PACRG: variants seen among roughly 807,000 people sequenced by gnomAD.
PACRG encodes the protein parkin coregulated.
Under a neutral mutation model 29.7 loss-of-function variants are expected in PACRG, and 29 were observed. That is an observed-to-expected ratio of 0.98 (90% CI 0.73 to 1.33). PACRG has a LOEUF of 1.33. Ranked by LOEUF, PACRG falls within the 40% of genes most tolerant of loss-of-function variation. The probability of loss-of-function intolerance (pLI) is 0.00; values close to 1 mark genes in which losing one functional copy is unlikely to be tolerated. For missense variants in PACRG, 279 were observed against 316.2 expected, an observed-to-expected ratio of 0.88 and a Z score of 0.89; for synonymous variants, 116 against 118.7, an observed-to-expected ratio of 0.98 and a Z score of 0.15.
chr6:162,978,362 T>TA (rs777184496), intron 2 of PACRG, among the ~76,000 whole-genome samples: 2 of 152,120 alleles, frequency 1.3e-5, no homozygotes, highest in Non-Finnish European at 2.9e-5. Context: ...ATGTGTAGGG[T>TA]AACATGTACT....
chr6:162,915,733 T>C (rs1796655465), intron 2 of PACRG, among the ~76,000 whole-genome samples: 1 of 152,132 alleles, frequency 6.6e-6, no homozygotes, highest in Non-Finnish European at 1.5e-5. Flanking sequence ...TTACAATATA[T>C]ATACCTAACC....
At chr6:162,842,560 T>A (rs1204185617) in intron 2 of PACRG, among the ~76,000 whole-genome samples, 24 of 149,280 alleles carry the variant, frequency 1.6e-4, no homozygotes, top group Non-Finnish European at 3.4e-4. Flanking sequence ...AATTTGCCAG[T>A]CTGTGTCTTT....
chr6:162,885,234 C>T (rs984541139), intron 2 of PACRG, among the ~76,000 whole-genome samples: 1 of 91,036 alleles, frequency 1.1e-5, no homozygotes, highest in African/African-American at 4.2e-5. Context: ...TTTTGAGTAA[C>T]CTTTTTTTTT....
chr6:162,747,493 T>TATATATATATATA (rs71008109), intron 1 of PACRG, among the ~76,000 whole-genome samples: 15 of 127,552 alleles, frequency 1.2e-4, no homozygotes, highest in African/African-American at 2.1e-4. Flanking sequence ...TATATATATA[T>TATATATATATATA]TCCATTAGTT....
At chr6:163,074,656 A>G (rs930687475) in intron 3 of PACRG, among the ~76,000 whole-genome samples, 1 of 152,180 alleles carries the variant, frequency 6.6e-6, no homozygotes, top group Admixed American at 6.5e-5. Flanking sequence ...GTAACAAAAT[A>G]CATATTGTAA....
In PACRG at chr6:162,990,288, G is replaced by C. The variant is rs534999816; in HGVS notation, c.292-71862G>C. On this transcript the variant is annotated intron_variant, in intron 2 of 4. Coordinates refer to ENST00000366888, the MANE Select transcript of PACRG (RefSeq NM_001080379.2). The stretch of plus-strand genomic sequence containing the variant: ...ATGGCTGGGTCAAATGGTATTTCTA[G>C]TTCTAGATCCCTGAGAATCGCCACA... Among the ~76,000 whole-genome samples, 203 of 151,870 alleles carry C rather than the reference G, an allele frequency of 1.3e-3. 1 individual carries two copies. Among genetic ancestry groups the C allele is most frequent in the African/African-American group, 4.6e-3 (192 of 41,458 alleles).
At chr6:163,094,525 C>T (rs548293866) in intron 4 of PACRG, among the ~76,000 whole-genome samples, 1 of 152,248 alleles carries the variant, frequency 6.6e-6, no homozygotes, top group African/African-American at 2.4e-5. Flanking sequence ...TTGGAAGATC[C>T]GTGTAGGGGT....
intron 4 of PACRG, among the ~76,000 whole-genome samples, chr6:163,184,347 A>G (rs1779813859): frequency 6.6e-6 from 1 of 152,214 alleles, no homozygotes; most frequent in Non-Finnish European, 1.5e-5. Context: ...TTAATGCTAC[A>G]TTAAAGACAG....
At chr6:163,061,199 T>G (rs547634566) in intron 2 of PACRG, among the ~76,000 whole-genome samples, 1 of 152,230 alleles carries the variant, frequency 6.6e-6, no homozygotes, top group South Asian at 2.1e-4. Flanking sequence ...TCTGTGTAGA[T>G]GTATTATACC....
intron 2 of PACRG, among the ~76,000 whole-genome samples, chr6:162,829,094 C>A (rs1443170982): frequency 2.0e-5 from 3 of 152,152 alleles, no homozygotes; most frequent in South Asian, 4.1e-4. Flanking sequence ...CCAAGCAAAT[C>A]CATTTTTTGT....
chr6:163,222,490 G>A (rs1781629891), intron 4 of PACRG, among the ~76,000 whole-genome samples: 1 of 152,228 alleles, frequency 6.6e-6, no homozygotes, highest in Admixed American at 6.5e-5. Flanking sequence ...TGAGGCAGGA[G>A]AATCGCTTGA....
intron 4 of PACRG, among the ~76,000 whole-genome samples, chr6:163,171,878 TTTCCC>T (rs1257521254): frequency 6.6e-6 from 1 of 152,156 alleles, no homozygotes; most frequent in Non-Finnish European, 1.5e-5. Context: ...AAAAGTCAGC[TTTCCC>T]CTGTGAGAGC....
chr6:163,062,204 C>G lies in PACRG; in HGVS notation c.346C>G (p.Leu116Val), dbSNP rs1292402584. Residue 116 changes from leucine to valine, a missense_variant, in exon 3 of 5, where the codon CTT becomes GTT. Leu to Val is a conservative substitution (Grantham distance 32). Coordinates refer to ENST00000366888, the MANE Select transcript of PACRG (RefSeq NM_001080379.2). ...HHYLPLFFDGLCEMTFPYEFF... is the reference protein window; with the variant it reads ...HHYLPLFFDGVCEMTFPYEFF... ...TTATCTGCCTCTGTTTTTTGATGGGCTTTGTGAAATGACATTTCCCTATGA... is the reference window on the plus strand; with the variant it reads ...TTATCTGCCTCTGTTTTTTGATGGGGTTTGTGAAATGACATTTCCCTATGA... The G allele has an allele frequency of 6.2e-7, 1 of 1,613,996 alleles. No homozygotes were observed. Among genetic ancestry groups the G allele is most frequent in the East Asian group, 2.2e-5 (1 of 44,868 alleles).
chr6:162,939,815 A>ATGCCTGGCAAT (rs1798491895), intron 2 of PACRG, among the ~76,000 whole-genome samples: 1 of 152,064 alleles, frequency 6.6e-6, no homozygotes, highest in African/African-American at 2.4e-5. Context: ...CAATATTTTA[A>ATGCCTGGCAAT]ATTCATAATT....
At chr6:163,099,589 A>G (rs1347279492) in intron 4 of PACRG, among the ~76,000 whole-genome samples, 1 of 152,208 alleles carries the variant, frequency 6.6e-6, no homozygotes, top group Non-Finnish European at 1.5e-5. Flanking sequence ...CTGATAATTG[A>G]GAGTTCATTC....
intron 4 of PACRG, among the ~76,000 whole-genome samples, chr6:163,262,880 G>T (rs1585380989): frequency 7.0e-6 from 1 of 143,290 alleles, no homozygotes; most frequent in African/African-American, 2.6e-5. Flanking sequence ...CCCCCCCCAT[G>T]TCAACTAAAA....
chr6:163,148,970 G>C (rs1204922497), intron 4 of PACRG, among the ~76,000 whole-genome samples: 13 of 92,288 alleles, frequency 1.4e-4, no homozygotes, highest in East Asian at 3.4e-4. Flanking sequence ...GCGGGGGGGG[G>C]GGGGGGGGGG....
Position 162,875,769 on chromosome 6 carries a change from C to T in PACRG, c.291+61488C>T, listed in dbSNP as rs563131487. 1.6e-4 allele frequency among the ~76,000 whole-genome samples: 24 copies of T among 152,298 alleles called. 2 individuals are homozygous for T. In the South Asian group the frequency reaches 5.0e-3, roughly 32 times the overall value. On this transcript the variant is annotated intron_variant, in intron 2 of 4. Coordinates refer to ENST00000366888, the MANE Select transcript of PACRG (RefSeq NM_001080379.2). Reference sequence around the variant, plus strand: ...GCATGGAGTTATCAACCTGGCATTCCACTAATGCTCCAAGTTTTATGTTTA... The same window carrying T: ...GCATGGAGTTATCAACCTGGCATTCTACTAATGCTCCAAGTTTTATGTTTA...
intron 2 of PACRG, among the ~76,000 whole-genome samples, chr6:162,951,789 T>C (rs1320137647): frequency 6.6e-6 from 1 of 152,212 alleles, no homozygotes; most frequent in African/African-American, 2.4e-5. Context: ...TTCTTTCAGC[T>C]GATGGTTTTT....
Sources: allele counts gnomAD v4.1 joint callset (sites outside exome capture counted in the v4.1 genomes callset), GRCh38; gene constraint gnomAD v4.1.1; transcripts MANE v1.5; gene names NCBI Gene and HGNC (gene_info 2026-07-23, HGNC 2026-07-21).